CDCA7L: variants seen among roughly 807,000 people sequenced by gnomAD.
The protein encoded by CDCA7L is cell division cycle-associated 7-like protein.
CDCA7L carries 44 observed loss-of-function variants against 57.4 expected under a neutral mutation model. The observed-to-expected ratio is 0.77, with a 90% CI of 0.60 to 0.98. The LOEUF (loss-of-function observed/expected upper bound fraction) is 0.98. Among genes scored for constraint, CDCA7L ranks in the 50% least tolerant of loss-of-function variants. The pLI is 0.00. For missense variants in CDCA7L, 644 were observed against 580.6 expected, an observed-to-expected ratio of 1.11 and a Z score of -1.12; for synonymous variants, 236 against 202.8, an observed-to-expected ratio of 1.16 and a Z score of -1.39.
At chr7:21,916,947 T>G (rs1785502573) in intron 1 of CDCA7L, 53 bp from the exon 2 acceptor site, 1 of 1,602,760 alleles carries the variant, frequency 6.2e-7, no homozygotes, top group Non-Finnish European at 8.5e-7. Flanking sequence ...TGCTAATCAC[T>G]TAGGGACATT....
Position 21,900,928 on chromosome 7 carries a change from T to G in CDCA7L, c.*1394A>C. 1 of 1,401,800 alleles carries G rather than the reference T, an allele frequency of 7.1e-7. No homozygotes were observed. The highest frequency in any genetic ancestry group is 1.5e-5 in the South Asian group (1 of 66,202). The allele number at this position is 1,401,800 out of a possible 1,614,324, so 86.8% of individuals were successfully genotyped here. On this transcript the variant is annotated 3_prime_UTR_variant, in exon 10 of 10. Coordinates refer to ENST00000406877, the MANE Select transcript of CDCA7L (RefSeq NM_018719.5). ...ACAAAACCAGAATGTTGAATGTTTA[T>G]TGCATCAAACAACTTACTTGATCAT...
intron 3 of CDCA7L, among the ~76,000 whole-genome samples, chr7:21,910,113 G>A (rs1456973697): frequency 6.6e-6 from 1 of 152,170 alleles, no homozygotes; most frequent in Non-Finnish European, 1.5e-5. Flanking sequence ...GCAGGTGGGA[G>A]GGAAGACTTC....
chr7:21,915,654 A>AC lies in CDCA7L; in HGVS notation c.165+1099_165+1100insG, dbSNP rs1407719984. ...CACTACTAAAAAAAAAAAAAAAAAA[A>AC]AAAAACACACACACACACACAAATT... is the stretch of plus-strand genomic sequence containing the variant. On this transcript the variant is annotated intron_variant, in intron 2 of 9. Transcript: ENST00000406877. 1.4e-4 allele frequency among the ~76,000 whole-genome samples: 17 copies of AC among 124,434 alleles called. 1 individual carries two copies. In the South Asian group the frequency reaches 1.5e-3, roughly 11 times the overall value. The allele number at this position is 124,434 out of a possible 152,430, so 81.6% of individuals were successfully genotyped here.
intron 7 of CDCA7L, among the ~76,000 whole-genome samples, 197 bp downstream of exon 7, chr7:21,905,309 C>T (rs763319404): frequency 2.0e-5 from 3 of 152,036 alleles, no homozygotes; most frequent in Non-Finnish European, 4.4e-5. Context: ...TAAGAGAGAC[C>T]GCCGTCCAGA....
chr7:21,938,951 G>A (rs1786258064), intron 1 of CDCA7L, among the ~76,000 whole-genome samples: 1 of 152,196 alleles, frequency 6.6e-6, no homozygotes, highest in South Asian at 2.1e-4. Context: ...TCAAGGCGCA[G>A]TGAGCCACGA....
intron 1 of CDCA7L, among the ~76,000 whole-genome samples, chr7:21,924,192 T>G (rs1350197918): frequency 6.6e-6 from 1 of 151,698 alleles, no homozygotes; most frequent in Non-Finnish European, 1.5e-5. Context: ...GGAACACATT[T>G]ATCAGTATTA....
chr7:21,903,598 G>T (rs1785020544), intron 8 of CDCA7L, among the ~76,000 whole-genome samples: 1 of 124,736 alleles, frequency 8.0e-6, no homozygotes, highest in African/African-American at 3.1e-5. Context: ...ACTGCCCCAG[G>T]CTCAAGGTCG....
chr7:21,902,568 T>TG, intron 9 of CDCA7L: 1 of 589,920 alleles, frequency 1.7e-6, no homozygotes, highest in Non-Finnish European at 3.0e-6. Context: ...AGAACCACGA[T>TG]TCAGAGTTTA....
In CDCA7L at chr7:21,924,526, C is replaced by T. The variant is rs12539041; in HGVS notation, c.25-7632G>A. Among the ~76,000 whole-genome samples, 1,289 of 152,290 alleles carry T rather than the reference C, an allele frequency of 8.5e-3. 10 individuals carry two copies. The highest frequency in any genetic ancestry group is 0.013 in the Non-Finnish European group (881 of 68,010). ...GAACTGTTATTTTCTTATGCAAAAT[C>T]ATTTCTTTGAATTTTTTACAAATAA... On this transcript the variant is annotated intron_variant, in intron 1 of 9. Transcript: ENST00000406877.
At chr7:21,922,548 G>A (rs1478671188) in intron 1 of CDCA7L, among the ~76,000 whole-genome samples, 2 of 152,126 alleles carry the variant, frequency 1.3e-5, no homozygotes, top group African/African-American at 4.8e-5. Context: ...ACTTGTTCAG[G>A]GAACATGCAC....
intron 1 of CDCA7L, among the ~76,000 whole-genome samples, chr7:21,934,676 CA>C (rs1342601791): frequency 6.6e-6 from 1 of 152,066 alleles, no homozygotes; most frequent in Non-Finnish European, 1.5e-5. Flanking sequence ...CTATCTACAA[CA>C]GACTCACTTT....
intron 2 of CDCA7L, among the ~76,000 whole-genome samples, chr7:21,912,337 A>G (rs1361125269): frequency 6.6e-6 from 1 of 152,170 alleles, no homozygotes; most frequent in East Asian, 1.9e-4. Flanking sequence ...ATATATACAC[A>G]TTTTCTAAAG....
intron 1 of CDCA7L, among the ~76,000 whole-genome samples, chr7:21,935,556 T>C (rs1057437254): frequency 6.8e-6 from 1 of 147,314 alleles, no homozygotes; most frequent in African/African-American, 2.5e-5. Context: ...GAATAGATAA[T>C]AGAATAAGAG....
At chr7:21,941,712 A>G (rs1483079825) in intron 1 of CDCA7L, among the ~76,000 whole-genome samples, 1 of 152,232 alleles carries the variant, frequency 6.6e-6, no homozygotes, top group African/African-American at 2.4e-5. Context: ...TTCCAGCAGC[A>G]AGGGCCAATT....
At chr7:21,904,655 C>G (rs551854034) in intron 7 of CDCA7L, among the ~76,000 whole-genome samples, 1 of 152,210 alleles carries the variant, frequency 6.6e-6, no homozygotes, top group East Asian at 1.9e-4. Context: ...TGAGGTGGAA[C>G]AGTTTCATCC....
intron 3 of CDCA7L, among the ~76,000 whole-genome samples, chr7:21,908,925 TCTC>T (rs1187763164): frequency 3.9e-5 from 6 of 152,132 alleles, no homozygotes; most frequent in African/African-American, 1.4e-4. Context: ...TGCTGACTGG[TCTC>T]CTCTAAATAG....
intron 1 of CDCA7L, among the ~76,000 whole-genome samples, chr7:21,938,676 G>A (rs1008645906): frequency 6.6e-6 from 1 of 152,132 alleles, no homozygotes; most frequent in African/African-American, 2.4e-5. Flanking sequence ...AGTAAATAAA[G>A]ATGGTATGTA....
intron 1 of CDCA7L, among the ~76,000 whole-genome samples, chr7:21,941,822 A>G (rs1786349460): frequency 3.3e-5 from 5 of 152,354 alleles, no homozygotes; most frequent in Admixed American, 6.5e-5. Flanking sequence ...ATTAAATCTG[A>G]TAACTTTTAA....
chr7:21,943,022 C>A (rs1757057475), intron 1 of CDCA7L, among the ~76,000 whole-genome samples: 2 of 152,206 alleles, frequency 1.3e-5, no homozygotes, highest in African/African-American at 4.8e-5. Context: ...GGAGCTAGAA[C>A]AGAGTACGAG....
Sources: allele counts gnomAD v4.1 joint callset (sites outside exome capture counted in the v4.1 genomes callset), GRCh38; gene constraint gnomAD v4.1.1; transcripts MANE v1.5; gene names NCBI Gene and HGNC (gene_info 2026-07-23, HGNC 2026-07-21).